The following TRDN variants were observed in gnomAD, a reference collection of about 807,000 sequenced individuals.
The protein encoded by TRDN is triadin in skeletal muscle.
In TRDN, 161 loss-of-function variants were observed where a neutral mutation model predicts 149.7. The observed-to-expected ratio is 1.08, with a 90% CI of 0.95 to 1.23. The LOEUF (loss-of-function observed/expected upper bound fraction) is 1.23. Ranked by LOEUF, TRDN falls within the 50% of genes most tolerant of loss-of-function variation. The pLI is 0.00. For missense variants in TRDN, 896 were observed against 823.5 expected, an observed-to-expected ratio of 1.09 and a Z score of -1.08; for synonymous variants, 294 against 250.5, an observed-to-expected ratio of 1.17 and a Z score of -1.64.
chr6:123,410,492 T>G (rs1582984626), intron 12 of TRDN, among the ~76,000 whole-genome samples: 4 of 152,294 alleles, frequency 2.6e-5, no homozygotes, highest in Admixed American at 2.6e-4. Context: ...TTCTATAACA[T>G]TTATTGTATT....
At chr6:123,333,027 G>A (rs1159384510) in intron 22 of TRDN, among the ~76,000 whole-genome samples, 14 of 151,976 alleles carry the variant, frequency 9.2e-5, no homozygotes, top group African/African-American at 3.4e-4. Context: ...ATGGTGTTGT[G>A]TATAAATAGT....
chr6:123,447,588 G>A (rs1184495484), intron 10 of TRDN, among the ~76,000 whole-genome samples: 1 of 152,278 alleles, frequency 6.6e-6, no homozygotes, highest in East Asian at 1.9e-4. Flanking sequence ...TACAGTCATA[G>A]CTCATGTCTT....
At chr6:123,237,149 A>T (rs1312715819) in intron 38 of TRDN, among the ~76,000 whole-genome samples, 1 of 144,232 alleles carries the variant, frequency 6.9e-6, no homozygotes, top group African/African-American at 2.7e-5. Flanking sequence ...ATACATAAGT[A>T]TTTCATATTA....
chr6:123,408,305 T>A (rs1466584492), intron 12 of TRDN, among the ~76,000 whole-genome samples: 1 of 152,194 alleles, frequency 6.6e-6, no homozygotes, highest in Non-Finnish European at 1.5e-5. Context: ...AATTAAGCAC[T>A]TGAATAAGGT....
At chr6:123,460,236 G>T (rs1413725521) in intron 10 of TRDN, among the ~76,000 whole-genome samples, 1 of 152,114 alleles carries the variant, frequency 6.6e-6, no homozygotes, top group East Asian at 1.9e-4. Context: ...AATTATATTA[G>T]AGTTTTATGT....
intron 9 of TRDN, among the ~76,000 whole-genome samples, chr6:123,477,408 C>A (rs1777540946): frequency 1.3e-5 from 2 of 149,540 alleles, no homozygotes; most frequent in South Asian, 2.2e-4. Context: ...AGTCAGGAAA[C>A]AACAGGTGCT....
chr6:123,285,173 C>A (rs755862733), intron 24 of TRDN, among the ~76,000 whole-genome samples: 45 of 151,698 alleles, frequency 3.0e-4, no homozygotes, highest in Non-Finnish European at 5.6e-4. Flanking sequence ...TTATTCTTCA[C>A]AGAACTAGAA....
chr6:123,623,504 T>G (rs1193392466), intron 1 of TRDN, among the ~76,000 whole-genome samples: 4 of 152,068 alleles, frequency 2.6e-5, no homozygotes, highest in Non-Finnish European at 5.9e-5. Flanking sequence ...CTAATTATTT[T>G]GCAATCTTTA....
intron 10 of TRDN, chr6:123,444,871 C>T (rs954775916): frequency 6.6e-6 from 1 of 152,122 alleles, no homozygotes; most frequent in Non-Finnish European, 1.5e-5. Context: ...GGATGAAGCC[C>T]ACTTGATCAT....
rs530137399 is a variant in TRDN at position 123,272,887 on chromosome 6, G to C, written c.1672+77C>G. The C allele has an allele frequency of 8.1e-4, 844 of 1,040,546 alleles. 19 individuals are homozygous for C. In the South Asian group the frequency reaches 0.013, roughly 16 times the overall value. 64.5% of individuals were successfully genotyped at this position (1,040,546 alleles called of 1,614,324 possible). A position where few individuals can be genotyped will look rare whatever the true frequency, so the allele number is the denominator to read the frequency against. On this transcript the variant is annotated intron_variant, in intron 29 of 40. Transcript: ENST00000334268. ...AATTGTCCCAAATAACTTTAGACTT[G>C]ACTCTAAACTCTTCCTTCTGCTAAA...
intron 7 of TRDN, 87 bp from the exon 8 acceptor site, chr6:123,503,988 AAAAG>A (rs1423888556): frequency 1.4e-6 from 2 of 1,395,032 alleles, no homozygotes; most frequent in Non-Finnish European, 1.9e-6. Flanking sequence ...GGAAAATTGG[AAAAG>A]AAAGAGGGAA....
chr6:123,227,268 C>CA (rs1235288466), intron 38 of TRDN, among the ~76,000 whole-genome samples: 3 of 151,530 alleles, frequency 2.0e-5, no homozygotes, highest in East Asian at 2.0e-4. Context: ...GAGTTAAATA[C>CA]AAAAAAAGGC....
intron 38 of TRDN, among the ~76,000 whole-genome samples, chr6:123,227,837 G>T (rs139104588): frequency 2.8e-3 from 426 of 151,898 alleles, no homozygotes; most frequent in African/African-American, 9.7e-3. Flanking sequence ...AACCTCCGAG[G>T]TGAGGACTTT....
intron 38 of TRDN, among the ~76,000 whole-genome samples, chr6:123,241,571 A>G (rs1449276078): frequency 6.6e-6 from 1 of 151,854 alleles, no homozygotes; most frequent in Non-Finnish European, 1.5e-5. Flanking sequence ...AAAATACTAG[A>G]TCAGAATATT....
intron 39 of TRDN, among the ~76,000 whole-genome samples, chr6:123,221,744 G>A (rs904526679): frequency 3.3e-5 from 5 of 151,634 alleles, no homozygotes; most frequent in Non-Finnish European, 5.9e-5. Context: ...TGAAAAAAAT[G>A]TCACGCTACA....
intron 4 of TRDN, among the ~76,000 whole-genome samples, chr6:123,540,245 T>C (rs1780759374): frequency 6.6e-6 from 1 of 152,158 alleles, no homozygotes; most frequent in Non-Finnish European, 1.5e-5. Context: ...GTGAACCAGA[T>C]GCTTTCGCAG....
At chr6:123,270,718 T>G (rs1777177707) in intron 30 of TRDN, among the ~76,000 whole-genome samples, 1 of 151,974 alleles carries the variant, frequency 6.6e-6, no homozygotes, top group African/African-American at 2.4e-5. Flanking sequence ...TATAACCATA[T>G]CCCTCTCTAT....
At chr6:123,424,560 T>C (rs1267443165) in intron 12 of TRDN, among the ~76,000 whole-genome samples, 2 of 152,162 alleles carry the variant, frequency 1.3e-5, no homozygotes, top group Non-Finnish European at 2.9e-5. Flanking sequence ...TGAGTGAAGC[T>C]AAAATTCAGT....
Position 123,530,580 on chromosome 6 carries a change from A to G in TRDN, c.425-15T>C, listed in dbSNP as rs778839632. The stretch of plus-strand genomic sequence containing the variant: ...TTTGTGTATTTCTAAGAAAAAATAG[A>G]ATTTATAATTTTAAAACTCTGAAAA... On this transcript the variant is annotated splice_polypyrimidine_tract_variant and intron_variant, in intron 4 of 40. Coordinates refer to ENST00000334268, the MANE Select transcript of TRDN (RefSeq NM_006073.4). 3 of 1,216,720 alleles carry G rather than the reference A, an allele frequency of 2.5e-6. No homozygotes were observed. The South Asian group carries it at 4.7e-5, about 19-fold the overall frequency. 75.4% of individuals were successfully genotyped at this position (1,216,720 alleles called of 1,614,324 possible).
Sources: allele counts gnomAD v4.1 joint callset (sites outside exome capture counted in the v4.1 genomes callset), GRCh38; gene constraint gnomAD v4.1.1; transcripts MANE v1.5; gene names NCBI Gene and HGNC (gene_info 2026-07-23, HGNC 2026-07-21).